The following EXT2 variants were observed in gnomAD, a reference collection of about 807,000 sequenced individuals.
EXT2 encodes exostosin glycosyltransferase 2.
Under a neutral mutation model 81.6 loss-of-function variants are expected in EXT2, and 53 were observed. That is an observed-to-expected ratio of 0.65 (90% CI 0.52 to 0.82). The LOEUF is 0.82. EXT2 is among the 40% of genes least tolerant of loss of function. The pLI is 0.00. For synonymous variants in EXT2, 320 were observed against 340.0 expected (o/e 0.94, Z 0.65); for missense variants, 774 against 910.2 (o/e 0.85, Z 1.93).
Position 44,248,058 on chromosome 11 carries a change from A to T in EXT2, c.*3771A>T, listed in dbSNP as rs1475403019. Among the ~76,000 whole-genome samples the T allele has an allele frequency of 6.6e-6, 1 of 152,118 alleles. No individual in the cohort carries two copies. The highest frequency in any genetic ancestry group is 1.5e-5 in the Non-Finnish European group (1 of 68,014). On this transcript the variant is annotated 3_prime_UTR_variant, in exon 14 of 14. Coordinates refer to ENST00000533608, the MANE Select transcript of EXT2 (RefSeq NM_207122.2). ...CTGTGAGGACCCAGCTGATAGAGTA[A>T]AGGCTTTGGGTGTTGGAGACTTCCC...
intron 8 of EXT2, among the ~76,000 whole-genome samples, chr11:44,189,071 T>G (rs1252144649): frequency 6.6e-6 from 1 of 152,212 alleles, no homozygotes; most frequent in Non-Finnish European, 1.5e-5. Flanking sequence ...AGTAGACATA[T>G]TTGGCCTGCT....
intron 7 of EXT2, among the ~76,000 whole-genome samples, chr11:44,168,443 C>G (rs539804561): frequency 2.6e-5 from 4 of 151,916 alleles, no homozygotes; most frequent in African/African-American, 9.7e-5. Flanking sequence ...AAATATTGTC[C>G]GAAAGTTTTC....
intron 8 of EXT2, among the ~76,000 whole-genome samples, chr11:44,189,470 A>T (rs1380545867): frequency 6.6e-6 from 1 of 152,252 alleles, no homozygotes; most frequent in African/African-American, 2.4e-5. Context: ...CAGGCTGTAC[A>T]GGCTTCTGCT....
At chr11:44,171,588 A>G (rs375803169) in intron 7 of EXT2, 23 bp from the exon 8 acceptor site, 386 of 1,613,986 alleles carry the variant, frequency 2.4e-4, no homozygotes, top group Admixed American at 4.5e-4. Flanking sequence ...TGCTCACTTA[A>G]AACAGCATTA....
chr11:44,144,247 C>G, intron 7 of EXT2: 1 of 1,598,042 alleles, frequency 6.3e-7, no homozygotes, highest in Non-Finnish European at 8.5e-7. Flanking sequence ...CACCTTTCAG[C>G]TCTTCATGGA....
At chr11:44,241,323 A>C (rs961963478) in intron 13 of EXT2, among the ~76,000 whole-genome samples, 1 of 152,250 alleles carries the variant, frequency 6.6e-6, no homozygotes, top group East Asian at 1.9e-4. Flanking sequence ...CTTTATTCAA[A>C]TGATGAGTTT....
intron 13 of EXT2, among the ~76,000 whole-genome samples, chr11:44,243,311 C>T (rs1203516140): frequency 1.3e-5 from 2 of 152,138 alleles, no homozygotes; most frequent in African/African-American, 2.4e-5. Flanking sequence ...GAGCCATTCC[C>T]GAACACATGC....
intron 1 of EXT2, among the ~76,000 whole-genome samples, chr11:44,101,399 C>T (rs2134948976): frequency 6.6e-6 from 1 of 152,310 alleles, no homozygotes; most frequent in East Asian, 1.9e-4. Context: ...CTGGAGGTTG[C>T]TTCTGGCTTC....
intron 6 of EXT2, among the ~76,000 whole-genome samples, 182 bp from the exon 7 acceptor site, chr11:44,129,863 C>T (rs1177694213): frequency 6.6e-6 from 1 of 152,056 alleles, no homozygotes; most frequent in African/African-American, 2.4e-5. Flanking sequence ...TGTAAGAGAA[C>T]TCCTTTGAGA....
intron 5 of EXT2, 55 bp from the exon 6 acceptor site, chr11:44,126,761 G>T (rs534607629): frequency 1.2e-6 from 2 of 1,613,484 alleles, no homozygotes; most frequent in South Asian, 2.2e-5. Flanking sequence ...AGGGATCAAA[G>T]TTAGTGGATC....
At position 44,220,020 on chromosome 11, in the gene EXT2, C is replaced by G. The variant is rs1397433950; in HGVS notation, c.1663-12333C>G. Among the ~76,000 whole-genome samples, 1 of 152,304 alleles carries G rather than the reference C, an allele frequency of 6.6e-6. No individual in the cohort carries two copies. Among genetic ancestry groups the G allele is most frequent in the East Asian group, 1.9e-4 (1 of 5,174 alleles). ...AGATTAGGAATTAAAGTCTTTCTTT[C>G]TCTTATCTGGATGGTGGCCTGTATC... is the stretch of plus-strand genomic sequence containing the variant. On this transcript the variant is annotated intron_variant, in intron 10 of 13. Transcript: ENST00000533608. This position sits in a 1 kb window ranked among gnomAD's most constrained non-coding sequence, Gnocchi z 4.4.
At chr11:44,140,441 A>G (rs544432984) in intron 7 of EXT2, among the ~76,000 whole-genome samples, 1 of 152,274 alleles carries the variant, frequency 6.6e-6, no homozygotes, top group African/African-American at 2.4e-5. Context: ...CCTCTCTGTT[A>G]TAGAGAAGTA....
rs563744619 is a variant in EXT2 at position 44,223,169 on chromosome 11, T to C, written c.1663-9184T>C. 5.3e-5 allele frequency among the ~76,000 whole-genome samples: 8 copies of C among 152,362 alleles called. No individual in the cohort carries two copies. The South Asian group carries it at 1.5e-3, about 28-fold the overall frequency. The stretch of plus-strand genomic sequence containing the variant: ...ATACAGAAAAACTGGACCACTCATA[T>C]ATTGTTTTTGGAAATATAAAATGGT... On this transcript the variant is annotated intron_variant, in intron 10 of 13. Coordinates refer to ENST00000533608, the MANE Select transcript of EXT2 (RefSeq NM_207122.2).
intron 7 of EXT2, among the ~76,000 whole-genome samples, chr11:44,130,878 G>A (rs953388739): frequency 6.6e-6 from 1 of 152,232 alleles, no homozygotes; most frequent in Admixed American, 6.5e-5. Context: ...CAGTACGTGC[G>A]TAAGTGTCCC....
chr11:44,145,616 T>C (rs1448575139), intron 7 of EXT2, among the ~76,000 whole-genome samples: 1 of 152,174 alleles, frequency 6.6e-6, no homozygotes, highest in Non-Finnish European at 1.5e-5. Flanking sequence ...GAAAACTTGA[T>C]GAGGTAGCTA....
At chr11:44,217,030 G>C (rs1419529408) in intron 10 of EXT2, among the ~76,000 whole-genome samples, 1 of 148,936 alleles carries the variant, frequency 6.7e-6, no homozygotes, top group African/African-American at 2.5e-5. Context: ...CCTCACTGCT[G>C]ATGGGTGAGG....
intron 10 of EXT2, among the ~76,000 whole-genome samples, chr11:44,219,776 C>T (rs186291847): frequency 2.8e-4 from 43 of 152,278 alleles, no homozygotes; most frequent in East Asian, 1.5e-3. Flanking sequence ...GAGAGAAACT[C>T]GGTTCTTACT....
intron 7 of EXT2, among the ~76,000 whole-genome samples, chr11:44,133,515 C>T (rs1358764280): frequency 6.6e-6 from 1 of 152,172 alleles, no homozygotes; most frequent in Non-Finnish European, 1.5e-5. Context: ...AATGGAGCTG[C>T]ATTGGACAGT....
rs1436423139 is a variant in EXT2, at chr11:44,232,479, G to T, written c.1789G>T (p.Ala597Ser). 6.2e-7 allele frequency: 1 copy of T among 1,613,834 alleles called. No individual in the cohort carries two copies. The highest frequency in any genetic ancestry group is 1.3e-5 in the African/African-American group (1 of 74,890). Residue 597 changes from alanine (A) to serine (S), a missense_variant, in exon 11 of 14, where the codon GCA becomes TCA. Ala to Ser is a moderately conservative substitution (Grantham distance 99). This residue lies in a region of EXT2 where 148 missense variants were observed against 239.7 expected (regional missense o/e 0.62). Transcript: ENST00000533608. ...TGAAGTGTCCATGGTGCTCACTGGG[G>T]CAGCTTTTTATCACAAGGTAAGGGG... ...TNEVSMVLTG[A>S]AFYHKYFNYL...
Sources: allele counts gnomAD v4.1 joint callset (sites outside exome capture counted in the v4.1 genomes callset), GRCh38; gene constraint gnomAD v4.1.1; regional missense constraint gnomAD v4.1.1; non-coding constraint Gnocchi (gnomAD v3.1); transcripts MANE v1.5; gene names NCBI Gene and HGNC (gene_info 2026-07-23, HGNC 2026-07-21).